The following PTGER3 variants were observed in gnomAD, a reference collection of about 807,000 sequenced individuals.
The protein encoded by PTGER3 is prostaglandin E receptor 3, also known as prostaglandin E2 receptor EP3 subtype.
A neutral mutation model predicts 34.7 loss-of-function variants in PTGER3; 22 were observed. The ratio of observed to expected loss-of-function variants is 0.63; its 90% CI spans 0.45 to 0.91. The LOEUF (loss-of-function observed/expected upper bound fraction) is 0.91, where lower values mean the gene tolerates loss of function less well. PTGER3 is among the 40% of genes least tolerant of loss of function. The probability of loss-of-function intolerance (pLI) is 0.00; values close to 1 mark genes in which losing one functional copy is unlikely to be tolerated. For missense variants in PTGER3, 468 were observed against 519.4 expected (o/e 0.90, Z 0.96); for synonymous variants, 241 against 230.1 (o/e 1.05, Z -0.43).
chr1:70,977,687 TC>T (rs1653843745), intron 2 of PTGER3, among the ~76,000 whole-genome samples: 2 of 152,052 alleles, frequency 1.3e-5, no homozygotes, highest in African/African-American at 4.8e-5. Flanking sequence ...CCCATAGCTA[TC>T]CCCTCCCTCT....
At chr1:70,989,497 T>G (rs1655234497) in intron 2 of PTGER3, among the ~76,000 whole-genome samples, 1 of 152,178 alleles carries the variant, frequency 6.6e-6, no homozygotes, top group South Asian at 2.1e-4. Flanking sequence ...ATAATTTTAT[T>G]TTTATGATGT....
intron 3 of PTGER3, among the ~76,000 whole-genome samples, chr1:70,973,579 C>A (rs1213595269): frequency 6.6e-6 from 1 of 152,038 alleles, no homozygotes; most frequent in Non-Finnish European, 1.5e-5. Flanking sequence ...TGACATTACC[C>A]AGAGAATAAA....
chr1:70,943,225 A>G (rs1047268517), intron 4 of PTGER3, among the ~76,000 whole-genome samples: 2 of 152,216 alleles, frequency 1.3e-5, no homozygotes, highest in African/African-American at 2.4e-5. Context: ...AAATGGATAA[A>G]TGTTCATTAG....
intron 2 of PTGER3, chr1:71,007,464 A>C: frequency 1.0e-6 from 1 of 985,398 alleles, no homozygotes; most frequent in Non-Finnish European, 1.2e-6. Flanking sequence ...CTGGCCACTC[A>C]GTAGTACTAC....
intron 4 of PTGER3, among the ~76,000 whole-genome samples, chr1:70,880,750 G>T (rs183339502): frequency 4.6e-5 from 7 of 151,292 alleles, no homozygotes; most frequent in African/African-American, 7.3e-5. Context: ...CTTCTGGCTT[G>T]TAGAGTTTCT....
chr1:70,973,258 GATA>G (rs1474101078), intron 3 of PTGER3, among the ~76,000 whole-genome samples: 1 of 145,142 alleles, frequency 6.9e-6, no homozygotes, highest in African/African-American at 2.5e-5. Context: ...TAGATAGATA[GATA>G]GATAGATGAT....
chr1:71,013,784 C>T (rs1034875090), intron 1 of PTGER3, among the ~76,000 whole-genome samples: 3 of 151,842 alleles, frequency 2.0e-5, no homozygotes, highest in Non-Finnish European at 2.9e-5. Flanking sequence ...ATATACTGTC[C>T]AGAATTCCTG....
intron 1 of PTGER3, among the ~76,000 whole-genome samples, chr1:71,046,174 A>G (rs368787416): frequency 6.7e-6 from 1 of 149,724 alleles, no homozygotes; most frequent in Admixed American, 6.7e-5. Context: ...AGTCCCAGCT[A>G]CTCGGAGAGG....
chr1:70,900,628 A>G (rs748075423), intron 4 of PTGER3, among the ~76,000 whole-genome samples: 1 of 152,190 alleles, frequency 6.6e-6, no homozygotes, highest in Non-Finnish European at 1.5e-5. Context: ...AAGGTGAGAT[A>G]CAAAATGTAA....
chr1:71,014,612 G>C (rs2100868024), intron 1 of PTGER3, among the ~76,000 whole-genome samples: 1 of 152,268 alleles, frequency 6.6e-6, no homozygotes, highest in Admixed American at 6.5e-5. Context: ...CTTATAAGAA[G>C]AGGGAGAAGA....
At chr1:70,977,984 A>G (rs1653876304) in intron 2 of PTGER3, among the ~76,000 whole-genome samples, 1 of 152,130 alleles carries the variant, frequency 6.6e-6, no homozygotes, top group Non-Finnish European at 1.5e-5. Flanking sequence ...TTTACAAATA[A>G]TAATTCATTT....
intron 4 of PTGER3, among the ~76,000 whole-genome samples, chr1:70,902,528 G>C (rs1646862103): frequency 6.6e-6 from 1 of 152,244 alleles, no homozygotes; most frequent in African/African-American, 2.4e-5. Context: ...ACTGTGATAA[G>C]TGCTGGAATC....
chr1:70,891,669 G>A (rs1355334444), intron 4 of PTGER3, among the ~76,000 whole-genome samples: 1 of 152,228 alleles, frequency 6.6e-6, no homozygotes, highest in African/African-American at 2.4e-5. Context: ...GGCAGGAGCT[G>A]TGTTCTTGAT....
chr1:71,045,900 C>T (rs980730882), intron 1 of PTGER3, among the ~76,000 whole-genome samples: 2 of 151,854 alleles, frequency 1.3e-5, no homozygotes, highest in Non-Finnish European at 2.9e-5. Flanking sequence ...TGAAGGCACC[C>T]ATAGGTCGCG....
chr1:71,004,207 T>C (rs1479139468), intron 2 of PTGER3, among the ~76,000 whole-genome samples: 2 of 152,228 alleles, frequency 1.3e-5, no homozygotes, highest in Non-Finnish European at 2.9e-5. Context: ...TAACTTGGCC[T>C]CAGAAACTTA....
intron 2 of PTGER3, among the ~76,000 whole-genome samples, chr1:70,982,461 A>G (rs2100732661): frequency 6.6e-6 from 1 of 152,284 alleles, no homozygotes; most frequent in Non-Finnish European, 1.5e-5. Flanking sequence ...CATCTAGTGT[A>G]TGCCACCTAA....
intron 4 of PTGER3, among the ~76,000 whole-genome samples, chr1:70,898,382 C>G (rs952673461): frequency 6.6e-6 from 1 of 152,188 alleles, no homozygotes; most frequent in African/African-American, 2.4e-5. Context: ...ACAGACATCA[C>G]TCCTTCTTCC....
chr1:70,887,773 T>C (rs1367126977), intron 4 of PTGER3, among the ~76,000 whole-genome samples: 1 of 152,330 alleles, frequency 6.6e-6, no homozygotes, highest in African/African-American at 2.4e-5. Flanking sequence ...TATTATGTTC[T>C]AGCTGGGTGG....
chr1:70,904,034 G>T (rs1442029369), intron 4 of PTGER3, among the ~76,000 whole-genome samples: 1 of 152,118 alleles, frequency 6.6e-6, no homozygotes, highest in African/African-American at 2.4e-5. Context: ...AATTATGAGG[G>T]TGGATCTTTC....
Sources: gnomAD v4.1 joint callset for allele counts (sites outside exome capture counted in the v4.1 genomes callset) on GRCh38, gnomAD v4.1.1 for gene constraint, MANE v1.5 for transcripts, NCBI Gene and HGNC (gene_info 2026-07-23, HGNC 2026-07-21) for gene names.